The following CPM variants were observed in gnomAD, a reference collection of about 807,000 sequenced individuals.
CPM encodes carboxypeptidase M, also known as renal carboxypeptidase.
CPM carries 35 observed loss-of-function variants against 46.4 expected under a neutral mutation model. That is an observed-to-expected ratio of 0.75 (90% CI 0.58 to 1.00). The LOEUF is 1.00. Among genes scored for constraint, CPM ranks in the 50% least tolerant of loss-of-function variants. The pLI is 0.00. For synonymous variants in CPM, 195 were observed against 195.3 expected (o/e 1.00, Z 0.01); for missense variants, 422 against 530.4 (o/e 0.80, Z 2.01).
chr12:68,915,526 C>T (rs958797090), intron 2 of CPM, among the ~76,000 whole-genome samples: 3 of 152,334 alleles, frequency 2.0e-5, no homozygotes, highest in African/African-American at 7.2e-5. Context: ...CAAATGTCAG[C>T]CTCCCTGATA....
intron 2 of CPM, among the ~76,000 whole-genome samples, chr12:68,902,982 A>G (rs1887175328): frequency 6.6e-6 from 1 of 152,242 alleles, no homozygotes; most frequent in Admixed American, 6.5e-5. Flanking sequence ...TTGCTTCTCC[A>G]ATAGATGAGC....
chr12:68,849,504 A>G (rs1241768625), downstream of CPM: 1 of 150,454 alleles, frequency 6.6e-6, no homozygotes, highest in Non-Finnish European at 1.5e-5. Flanking sequence ...CTGCCTCCCA[A>G]GGTCAAATGA....
intron 1 of CPM, 79 bp from the exon 2 acceptor site, chr12:68,932,919 C>T (rs1184256469): frequency 2.2e-6 from 3 of 1,374,854 alleles, no homozygotes; most frequent in Non-Finnish European, 3.0e-6. Flanking sequence ...TCTCGGTACT[C>T]CGGTCTCAGG....
At chr12:68,886,985 T>C (rs1225735844) in intron 2 of CPM, among the ~76,000 whole-genome samples, 2 of 152,092 alleles carry the variant, frequency 1.3e-5, no homozygotes, top group African/African-American at 2.4e-5. Flanking sequence ...AAAAAACTGA[T>C]CTTCAAAAAT....
intron 2 of CPM, among the ~76,000 whole-genome samples, chr12:68,900,648 GA>G (rs1375569507): frequency 6.6e-6 from 1 of 152,126 alleles, no homozygotes; most frequent in Non-Finnish European, 1.5e-5. Context: ...TAGGTGAGGG[GA>G]TAAATAACCT....
chr12:68,953,564 T>C, intron 1 of CPM, among the ~76,000 whole-genome samples: 1 of 152,250 alleles, frequency 6.6e-6, no homozygotes, highest in Admixed American at 6.5e-5. Flanking sequence ...ATTCATTTAT[T>C]CATTCACAAA....
chr12:68,911,055 A>C (rs1025647159), intron 2 of CPM, among the ~76,000 whole-genome samples: 2 of 152,220 alleles, frequency 1.3e-5, no homozygotes, highest in Admixed American at 6.5e-5. Flanking sequence ...ATGATTTGCT[A>C]TACGGCATCT....
At chr12:68,864,484 A>T (rs1418812250) in intron 7 of CPM, among the ~76,000 whole-genome samples, 1 of 152,238 alleles carries the variant, frequency 6.6e-6, no homozygotes, top group African/African-American at 2.4e-5. Flanking sequence ...TGGACTGGTA[A>T]GCCTTCCAAA....
At chr12:68,857,659 C>T (rs954662183) in intron 8 of CPM, among the ~76,000 whole-genome samples, 1 of 152,064 alleles carries the variant, frequency 6.6e-6, no homozygotes, top group African/African-American at 2.4e-5. Context: ...ATTTACATAA[C>T]CACTCATTGG....
chr12:68,889,215 A>G (rs537868055), intron 2 of CPM, among the ~76,000 whole-genome samples: 20 of 152,262 alleles, frequency 1.3e-4, no homozygotes, highest in African/African-American at 4.3e-4. Context: ...ATTTAGGTAC[A>G]CTCATTTCAT....
chr12:68,905,066 G>A (rs772754044), intron 2 of CPM, among the ~76,000 whole-genome samples: 6 of 151,580 alleles, frequency 4.0e-5, no homozygotes, highest in South Asian at 2.1e-4. Flanking sequence ...GCACCACCAC[G>A]CCTGGCTAAT....
At chr12:68,921,083 C>T (rs577078000) in intron 2 of CPM, among the ~76,000 whole-genome samples, 1 of 151,994 alleles carries the variant, frequency 6.6e-6, no homozygotes, top group Non-Finnish European at 1.5e-5. Flanking sequence ...CTGTGACAGA[C>T]CCTTGAATTA....
intron 2 of CPM, among the ~76,000 whole-genome samples, chr12:68,901,052 G>C (rs1452928371): frequency 6.6e-6 from 1 of 152,204 alleles, no homozygotes; most frequent in Non-Finnish European, 1.5e-5. Flanking sequence ...CGCGTGTGGG[G>C]ATAGGGACAA....
intron 2 of CPM, among the ~76,000 whole-genome samples, chr12:68,921,446 C>T (rs775659520): frequency 2.0e-5 from 3 of 152,160 alleles, no homozygotes; most frequent in Non-Finnish European, 4.4e-5. Flanking sequence ...CCAGCCTAAA[C>T]ACTTCTTAAT....
chr12:68,858,704 C>T (rs960107842), intron 8 of CPM, among the ~76,000 whole-genome samples: 7 of 149,302 alleles, frequency 4.7e-5, no homozygotes, highest in African/African-American at 1.7e-4. Flanking sequence ...TTAAAAATTG[C>T]CATCAGGGAA....
At chr12:68,954,304 C>T (rs748826128) in intron 1 of CPM, among the ~76,000 whole-genome samples, 2 of 152,216 alleles carry the variant, frequency 1.3e-5, no homozygotes, top group Non-Finnish European at 2.9e-5. Context: ...AGTCCCCTCA[C>T]TCTGTTCCCA....
chr12:68,890,693 T>G (rs1795864090), intron 2 of CPM, among the ~76,000 whole-genome samples: 2 of 152,272 alleles, frequency 1.3e-5, no homozygotes, highest in Non-Finnish European at 2.9e-5. Flanking sequence ...GGAGCAAGAC[T>G]GGGCTTTCTT....
intron 2 of CPM, among the ~76,000 whole-genome samples, chr12:68,925,324 A>G (rs1888214347): frequency 6.6e-6 from 1 of 152,178 alleles, no homozygotes; most frequent in Non-Finnish European, 1.5e-5. Context: ...TTTACATAGC[A>G]CTTACTATGT....
intron 8 of CPM, among the ~76,000 whole-genome samples, 190 bp downstream of exon 8, chr12:68,858,733 G>GT (rs59714966): frequency 0.13 from 12,883 of 96,618 alleles, 1,479 homozygotes; most frequent in African/African-American, 0.41. Flanking sequence ...AATTTTTGTG[G>GT]TTTTTTTTTT....
Sources: gnomAD v4.1 joint callset for allele counts (sites outside exome capture counted in the v4.1 genomes callset) on GRCh38, gnomAD v4.1.1 for gene constraint, MANE v1.5 for transcripts, NCBI Gene and HGNC (gene_info 2026-07-23, HGNC 2026-07-21) for gene names.